Variants in DENND1B observed in about 807,000 individuals in gnomAD.
DENND1B encodes the protein DENN domain containing 1B.
In DENND1B, 59 loss-of-function variants were observed where a neutral mutation model predicts 90.1. That is an observed-to-expected ratio of 0.65 (90% confidence interval 0.53 to 0.81). The LOEUF (loss-of-function observed/expected upper bound fraction) is 0.81. DENND1B is among the 40% of genes least tolerant of loss of function. The pLI is 0.00. For synonymous variants in DENND1B, 337 were observed against 324.6 expected (o/e 1.04, Z -0.41); for missense variants, 862 against 912.6 (o/e 0.94, Z 0.71).
At chr1:197,549,996 T>G (rs1047404842) in intron 16 of DENND1B, among the ~76,000 whole-genome samples, 1 of 152,188 alleles carries the variant, frequency 6.6e-6, no homozygotes, top group Non-Finnish European at 1.5e-5. Flanking sequence ...ATATTCATAT[T>G]CATTTTATCA....
At chr1:197,529,679 A>C (rs1434141600) in intron 20 of DENND1B, among the ~76,000 whole-genome samples, 2 of 152,134 alleles carry the variant, frequency 1.3e-5, no homozygotes, top group Non-Finnish European at 2.9e-5. Context: ...CATATTATTT[A>C]AAGAAATTTC....
At chr1:197,626,696 T>C (rs558987852) in intron 10 of DENND1B, among the ~76,000 whole-genome samples, 81 of 150,828 alleles carry the variant, frequency 5.4e-4, no homozygotes, top group African/African-American at 1.6e-3. Flanking sequence ...CTGAAGGAAA[T>C]AGAGACACAA....
intron 10 of DENND1B, among the ~76,000 whole-genome samples, chr1:197,635,131 A>T (rs1026230190): frequency 6.6e-6 from 1 of 152,224 alleles, no homozygotes; most frequent in Middle Eastern, 3.2e-3. Context: ...TGTCAAAGAG[A>T]TAAATCAAGG....
At chr1:197,628,611 C>A (rs1460813572) in intron 10 of DENND1B, among the ~76,000 whole-genome samples, 1 of 152,128 alleles carries the variant, frequency 6.6e-6, no homozygotes, top group African/African-American at 2.4e-5. Flanking sequence ...AGGACATAGG[C>A]ATGGGCAAGG....
intron 3 of DENND1B, among the ~76,000 whole-genome samples, chr1:197,692,759 T>C (rs1420632631): frequency 2.6e-5 from 4 of 151,906 alleles, no homozygotes; most frequent in African/African-American, 9.6e-5. Context: ...TAGGGTATGA[T>C]TATCAAATTA....
intron 3 of DENND1B, among the ~76,000 whole-genome samples, chr1:197,708,262 A>G (rs1399876712): frequency 2.0e-5 from 1 of 50,138 alleles, no homozygotes; most frequent in Non-Finnish European, 4.0e-5. Context: ...TGTAGGCTCC[A>G]CCTCTGGGGG....
intron 3 of DENND1B, among the ~76,000 whole-genome samples, chr1:197,683,154 G>A (rs1656868294): frequency 1.3e-5 from 2 of 151,746 alleles, no homozygotes; most frequent in African/African-American, 4.8e-5. Context: ...AAAGAATATG[G>A]GTTACACAGT....
intron 14 of DENND1B, 147 bp downstream of exon 14, chr1:197,595,061 T>A: frequency 9.0e-7 from 1 of 1,107,334 alleles, no homozygotes; most frequent in East Asian, 2.8e-5. Context: ...ATGAAATGTA[T>A]GTTTTGAAAC....
At chr1:197,644,456 AG>A (rs1352007209) in intron 9 of DENND1B, among the ~76,000 whole-genome samples, 1 of 152,192 alleles carries the variant, frequency 6.6e-6, no homozygotes, top group Non-Finnish European at 1.5e-5. Context: ...CATAAGAGAA[AG>A]GTAAATAGGA....
rs1419815261 is a variant in DENND1B at position 197,612,995 on chromosome 1, T to C, written c.774-1019A>G. 3.3e-5 allele frequency among the ~76,000 whole-genome samples: 5 copies of C among 150,830 alleles called. No individual in the cohort carries two copies. In the South Asian group the frequency reaches 1.0e-3, roughly 31 times the overall value. ...AGTCAATAGCAGATATATGAATAAATAGCTATTTTAAAATAAAACATTTTT... is the reference window on the plus strand; with the variant it reads ...AGTCAATAGCAGATATATGAATAAACAGCTATTTTAAAATAAAACATTTTT... On this transcript the variant is annotated intron_variant, in intron 11 of 22. Transcript: ENST00000620048.
chr1:197,655,012 A>C (rs1239865808), intron 6 of DENND1B, among the ~76,000 whole-genome samples: 2 of 152,196 alleles, frequency 1.3e-5, no homozygotes, highest in Non-Finnish European at 2.9e-5. Flanking sequence ...TTTGCTCCAG[A>C]CTCAGTCAAC....
chr1:197,523,177 T>C (rs1295298721), intron 20 of DENND1B, among the ~76,000 whole-genome samples: 1 of 152,038 alleles, frequency 6.6e-6, no homozygotes, highest in Admixed American at 6.6e-5. Flanking sequence ...TTCATTTATA[T>C]AAAACAAAAG....
chr1:197,629,982 G>A (rs1679179944), intron 10 of DENND1B, among the ~76,000 whole-genome samples: 1 of 151,932 alleles, frequency 6.6e-6, no homozygotes, highest in South Asian at 2.1e-4. Context: ...ATCAGGGAAA[G>A]GCAAATTAAA....
At chr1:197,587,647 T>C (rs1341693100) in intron 14 of DENND1B, among the ~76,000 whole-genome samples, 1 of 152,128 alleles carries the variant, frequency 6.6e-6, no homozygotes, top group Non-Finnish European at 1.5e-5. Flanking sequence ...ATGGCAGTGG[T>C]CCCCAAACTT....
intron 2 of DENND1B, among the ~76,000 whole-genome samples, chr1:197,766,308 G>T (rs2102482194): frequency 6.6e-6 from 1 of 152,278 alleles, no homozygotes; most frequent in East Asian, 1.9e-4. Context: ...CATCTGAATT[G>T]AGAGACTCAG....
chr1:197,716,206 T>C (rs79781515), intron 2 of DENND1B, among the ~76,000 whole-genome samples: 2,810 of 151,958 alleles, frequency 0.018, 83 homozygotes, highest in African/African-American at 0.063. Context: ...ATTTTTAGCA[T>C]GAGCTGGCTC....
chr1:197,677,229 CA>C (rs1446852942), intron 3 of DENND1B, among the ~76,000 whole-genome samples: 3 of 152,086 alleles, frequency 2.0e-5, no homozygotes, highest in Admixed American at 6.6e-5. Context: ...CTTCCCTACT[CA>C]GTAAGATATA....
chr1:197,628,810 G>A (rs200719458), intron 10 of DENND1B, among the ~76,000 whole-genome samples: 26,726 of 151,538 alleles, frequency 0.18, 2,714 homozygotes, highest in Middle Eastern at 0.33. Context: ...AATCTACAAT[G>A]AACTCAAACA....
intron 13 of DENND1B, among the ~76,000 whole-genome samples, chr1:197,597,258 TA>T (rs1286436926): frequency 6.6e-6 from 1 of 151,858 alleles, no homozygotes; most frequent in Non-Finnish European, 1.5e-5. Context: ...CTTCTAATGC[TA>T]CTTTTAAGTT....
Sources: allele counts gnomAD v4.1 joint callset (sites outside exome capture counted in the v4.1 genomes callset), GRCh38; gene constraint gnomAD v4.1.1; transcripts MANE v1.5; gene names NCBI Gene and HGNC (gene_info 2026-07-23, HGNC 2026-07-21).